Variants in ZFHX4 observed in about 807,000 individuals in gnomAD.
ZFHX4 encodes the protein zinc finger homeobox protein 4.
Under a neutral mutation model 267.6 loss-of-function variants are expected in ZFHX4, and 56 were observed. That is an observed-to-expected ratio of 0.21 (90% CI 0.17 to 0.26). The LOEUF is 0.26. Among genes scored for constraint, ZFHX4 ranks in the 10% least tolerant of loss-of-function variants. The pLI, the probability that ZFHX4 is intolerant of heterozygous loss-of-function variation, is 1.00. For synonymous variants in ZFHX4, 1,778 were observed against 1,665.6 expected (o/e 1.07, Z -1.64); for missense variants, 4,332 against 4,420.0 (o/e 0.98, Z 0.56).
intron 4 of ZFHX4, among the ~76,000 whole-genome samples, chr8:76,832,005 G>GGT (rs1811947073): frequency 1.4e-5 from 2 of 148,106 alleles, no homozygotes; most frequent in Non-Finnish European, 1.5e-5. Context: ...TTTTTAGTGG[G>GGT]GGGGGGCACT....
intron 3 of ZFHX4, among the ~76,000 whole-genome samples, chr8:76,750,494 T>A (rs1239915820): frequency 6.6e-6 from 1 of 152,078 alleles, no homozygotes; most frequent in African/African-American, 2.4e-5. Context: ...AGAATAACCA[T>A]ACAAGGAAGT....
intron 4 of ZFHX4, among the ~76,000 whole-genome samples, chr8:76,797,245 A>T (rs546943180): frequency 1.3e-4 from 20 of 152,352 alleles, no homozygotes; most frequent in Admixed American, 1.2e-3. Flanking sequence ...GAATTTGGAT[A>T]TGACTTTTTT....
At chr8:76,703,302 A>T (rs1808152677) in intron 1 of ZFHX4, among the ~76,000 whole-genome samples, 1 of 152,150 alleles carries the variant, frequency 6.6e-6, no homozygotes, top group Non-Finnish European at 1.5e-5. Context: ...AGTGAAAAAA[A>T]CTAAGTGAAT....
rs1810549216 is a variant in ZFHX4 at position 76,781,578 on chromosome 8, A to T, written c.3325+3139A>T. 2.0e-5 allele frequency among the ~76,000 whole-genome samples: 3 copies of T among 152,220 alleles called. No homozygotes were observed. In the East Asian group the frequency reaches 5.8e-4, roughly 29 times the overall value. Reference sequence around the variant, plus strand: ...TTGATTTTGTTGGCATTGTGGATGCATAATTTGGGTGGAAGATTTTTTGAC... The same window carrying T: ...TTGATTTTGTTGGCATTGTGGATGCTTAATTTGGGTGGAAGATTTTTTGAC... On this transcript the variant is annotated intron_variant, in intron 4 of 10. Coordinates refer to ENST00000651372, the MANE Select transcript of ZFHX4 (RefSeq NM_024721.5).
chr8:76,793,715 G>A (rs1468810541), intron 4 of ZFHX4, among the ~76,000 whole-genome samples: 3 of 152,220 alleles, frequency 2.0e-5, no homozygotes, highest in East Asian at 3.9e-4. Flanking sequence ...TTAAAAAGAG[G>A]TTGGTCTGTA....
At chr8:76,806,907 T>G (rs1811259800) in intron 4 of ZFHX4, among the ~76,000 whole-genome samples, 1 of 152,204 alleles carries the variant, frequency 6.6e-6, no homozygotes. Flanking sequence ...GGATTCACCT[T>G]GGGACTGAAT....
intron 3 of ZFHX4, among the ~76,000 whole-genome samples, chr8:76,746,012 C>CTAA (rs1809449866): frequency 6.6e-6 from 1 of 152,186 alleles, no homozygotes. Context: ...TTAGTTTTAA[C>CTAA]AGTGGTTTCT....
rs146396226 is a variant in ZFHX4, at chr8:76,781,574, A to C, written c.3325+3135A>C. 1.1e-3 allele frequency among the ~76,000 whole-genome samples: 166 copies of C among 152,186 alleles called. No homozygotes were observed. The East Asian group carries it at 0.031, about 28-fold the overall frequency. On this transcript the variant is annotated intron_variant, in intron 4 of 10. Transcript: ENST00000651372. ...TCATTTGATTTTGTTGGCATTGTGG[A>C]TGCATAATTTGGGTGGAAGATTTTT...
At chr8:76,861,507 C>T (rs1812866011) in intron 10 of ZFHX4, among the ~76,000 whole-genome samples, 1 of 152,000 alleles carries the variant, frequency 6.6e-6, no homozygotes, top group African/African-American at 2.4e-5. Flanking sequence ...GAAGTTATAT[C>T]AAAGTAGGTC....
intron 3 of ZFHX4, among the ~76,000 whole-genome samples, chr8:76,743,073 A>G (rs537832243): frequency 6.6e-6 from 1 of 152,312 alleles, no homozygotes; most frequent in South Asian, 2.1e-4. Flanking sequence ...CGCCTTTTAC[A>G]TTTACCATTT....
chr8:76,692,034 A>T (rs1190709118), intron 1 of ZFHX4, among the ~76,000 whole-genome samples: 1 of 152,130 alleles, frequency 6.6e-6, no homozygotes, highest in Admixed American at 6.5e-5. Flanking sequence ...CCTAAATGGC[A>T]TCTAGGTTGA....
At chr8:76,796,883 T>C (rs988383730) in intron 4 of ZFHX4, among the ~76,000 whole-genome samples, 1 of 152,220 alleles carries the variant, frequency 6.6e-6, no homozygotes, top group Non-Finnish European at 1.5e-5. Context: ...CCCATCTTTT[T>C]CATACAACTC....
chr8:76,763,747 GA>G (rs1261937038), intron 3 of ZFHX4, among the ~76,000 whole-genome samples: 1 of 152,050 alleles, frequency 6.6e-6, no homozygotes, highest in African/African-American at 2.4e-5. Context: ...AAAGTAAAAA[GA>G]AAAAATGTGC....
intron 10 of ZFHX4, among the ~76,000 whole-genome samples, chr8:76,857,307 A>C (rs1013863304): frequency 1.0e-4 from 15 of 150,162 alleles, no homozygotes; most frequent in African/African-American, 3.6e-4. Context: ...TTTTCTTTTT[A>C]AAAGGAAAAT....
intron 4 of ZFHX4, among the ~76,000 whole-genome samples, chr8:76,816,590 CTTTTTTTTTTT>C (rs950143569): frequency 8.8e-6 from 1 of 113,032 alleles, no homozygotes; most frequent in Non-Finnish European, 1.8e-5. Context: ...ATTTAAATGT[CTTTTTTTTTTT>C]TTTTTTTTTT....
intron 3 of ZFHX4, among the ~76,000 whole-genome samples, chr8:76,709,465 T>C (rs1292208484): frequency 6.6e-6 from 1 of 152,142 alleles, no homozygotes. Flanking sequence ...TGACAACTGT[T>C]CAATTGTCTA....
chr8:76,773,310 T>C (rs1585929538), intron 3 of ZFHX4, among the ~76,000 whole-genome samples: 1 of 152,306 alleles, frequency 6.6e-6, no homozygotes, highest in Admixed American at 6.6e-5. Context: ...TAAATGGAGA[T>C]GAGCAGAATT....
Position 76,863,358 on chromosome 8 carries a change from A to T in ZFHX4, c.9644A>T (p.His3215Leu), listed in dbSNP as rs755225920. 3 of 1,613,756 alleles carry T rather than the reference A, an allele frequency of 1.9e-6. No homozygotes were observed. In the Admixed American group the frequency reaches 5.0e-5, roughly 27 times the overall value. ...EELEATKPEK[H>L]PKKEEKISSA... Reference sequence around the variant, plus strand: ...TTAGAGGCCACCAAACCCGAAAAACACCCCAAAAAAGAGGAAAAAATCTCA... The same window carrying T: ...TTAGAGGCCACCAAACCCGAAAAACTCCCCAAAAAAGAGGAAAAAATCTCA... Residue 3215 changes from histidine to leucine, a missense_variant, in exon 11 of 11, where the codon CAC becomes CTC. Around this residue, in one of 7 missense-constraint regions of ZFHX4, gnomAD observed 1,648 missense variants for 1,625.0 expected, o/e 1.01. Coordinates refer to ENST00000651372, the MANE Select transcript of ZFHX4 (RefSeq NM_024721.5).
intron 3 of ZFHX4, among the ~76,000 whole-genome samples, chr8:76,720,174 A>G (rs1297808377): frequency 6.6e-6 from 1 of 151,894 alleles, no homozygotes; most frequent in African/African-American, 2.4e-5. Flanking sequence ...CTTATCCCCA[A>G]TCCTCCCTTC....
Sources: allele counts gnomAD v4.1 joint callset (sites outside exome capture counted in the v4.1 genomes callset), GRCh38; gene constraint gnomAD v4.1.1; regional missense constraint gnomAD v4.1.1; transcripts MANE v1.5; gene names NCBI Gene and HGNC (gene_info 2026-07-23, HGNC 2026-07-21).